POLR2C: variants seen among roughly 807,000 people sequenced by gnomAD.
POLR2C encodes RNA polymerase II subunit C.
In POLR2C, 36 loss-of-function variants were observed where a neutral mutation model predicts 41.7. That is an observed-to-expected ratio of 0.86 (90% CI 0.66 to 1.14). POLR2C has a LOEUF of 1.14. POLR2C is among the 50% of genes most tolerant of loss of function. The pLI is 0.00. For synonymous variants in POLR2C, 133 were observed against 137.8 expected (o/e 0.96, Z 0.25); for missense variants, 260 against 350.4 (o/e 0.74, Z 2.06).
In POLR2C at chr16:57,471,147, G is replaced by A. The variant is rs373509893; in HGVS notation, c.*28G>A. 2.9e-5 allele frequency: 47 copies of A among 1,605,062 alleles called. No individual in the cohort carries two copies. Among genetic ancestry groups the A allele is most frequent in the Non-Finnish European group, 3.8e-5 (44 of 1,172,182 alleles). On this transcript the variant is annotated 3_prime_UTR_variant, in exon 9 of 9. Transcript: ENST00000219252. ...GCAGCTTGCCTGCTTCAGCAAAAACGGAGATTCAGGCCAGCAGCTGGATAT... is the reference window on the plus strand; with the variant it reads ...GCAGCTTGCCTGCTTCAGCAAAAACAGAGATTCAGGCCAGCAGCTGGATAT...
intron 2 of POLR2C, among the ~76,000 whole-genome samples, chr16:57,465,456 G>T (rs527570522): frequency 1.3e-5 from 2 of 152,166 alleles, no homozygotes; most frequent in Non-Finnish European, 2.9e-5. Flanking sequence ...TATACTTTGC[G>T]CATTAAAAGA....
chr16:57,467,532 CTCTGGCTTTT>C lies in POLR2C; in HGVS notation c.258+1310_258+1319del, dbSNP rs1197548692. ...GATGGCATGGTCTGTCTCTCTCTCTCTCTGGCTTTTTCTGAAAATCTGTAGAAAAGTTGAA... is the reference window on the plus strand; with the variant it reads ...GATGGCATGGTCTGTCTCTCTCTCTCTCTGAAAATCTGTAGAAAAGTTGAA... On this transcript the variant is annotated intron_variant, in intron 4 of 8. Coordinates refer to ENST00000219252, the MANE Select transcript of POLR2C (RefSeq NM_032940.3). Among the ~76,000 whole-genome samples the C allele has an allele frequency of 2.3e-4, 35 of 152,202 alleles. 1 individual carries two copies. In the South Asian group the frequency reaches 6.6e-3, roughly 29 times the overall value.
In POLR2C at chr16:57,469,479, C is replaced by A; in HGVS notation, c.387+186C>A. 1.3e-6 allele frequency: 1 copy of A among 744,148 alleles called. No individual in the cohort carries two copies. Among genetic ancestry groups the A allele is most frequent in the Admixed American group, 2.2e-5 (1 of 46,310 alleles). The allele number at this position is 744,148 out of a possible 1,614,324, so 46.1% of individuals were successfully genotyped here. A position where few individuals can be genotyped will look rare whatever the true frequency, so the allele number is the denominator to read the frequency against. On this transcript the variant is annotated intron_variant, in intron 5 of 8. Coordinates refer to ENST00000219252, the MANE Select transcript of POLR2C (RefSeq NM_032940.3). This position sits in a 1 kb window ranked among gnomAD's most constrained non-coding sequence, Gnocchi z 5.8. The stretch of plus-strand genomic sequence containing the variant: ...GGCATCGTTAGCATCGTTGGTGCTG[C>A]GCACCCTCTATCACCCAGGGACTCT...
At chr16:57,463,620 G>C in intron 2 of POLR2C, 1 of 454,500 alleles carries the variant, frequency 2.2e-6, no homozygotes, top group South Asian at 1.6e-5. Context: ...CTCCCATGCG[G>C]TGTTTGGTTT....
intron 2 of POLR2C, chr16:57,463,638 C>G: frequency 2.2e-6 from 1 of 454,652 alleles, no homozygotes; most frequent in Non-Finnish European, 4.4e-6. Context: ...TTTTCTGTTC[C>G]TGTGTTAATT....
intron 2 of POLR2C, among the ~76,000 whole-genome samples, chr16:57,464,565 CAT>C (rs1295688847): frequency 1.3e-5 from 2 of 152,166 alleles, no homozygotes; most frequent in Non-Finnish European, 2.9e-5. Context: ...AAATATAAGT[CAT>C]AGCTGTGGCA....
Position 57,471,140 on chromosome 16 carries a change from C to G in POLR2C, c.*21C>G. 6.2e-7 allele frequency: 1 copy of G among 1,609,508 alleles called. No individual in the cohort carries two copies. On this transcript the variant is annotated 3_prime_UTR_variant, in exon 9 of 9. Transcript: ENST00000219252. The stretch of plus-strand genomic sequence containing the variant: ...ATTAACTGCAGCTTGCCTGCTTCAG[C>G]AAAAACGGAGATTCAGGCCAGCAGC...
At position 57,462,760 on chromosome 16, in the gene POLR2C, G is replaced by C. The variant is rs765019625; in HGVS notation, c.36G>C (p.Thr12=). 8.7e-6 allele frequency: 14 copies of C among 1,608,480 alleles called. No individual in the cohort carries two copies. Among genetic ancestry groups the C allele is most frequent in the Middle Eastern group, 1.7e-4 (1 of 6,054 alleles). Reference sequence around the variant, plus strand: ...CCAACCAGCCTACCGTGCGGATCACGGAGCTCACTGACGAGAATGTCAAGT... The same window carrying C: ...CCAACCAGCCTACCGTGCGGATCACCGAGCTCACTGACGAGAATGTCAAGT... The part of the protein sequence containing the change: ...PYANQPTVRI[T]ELTDENVKFI... The change falls in exon 1 of 9, where the codon ACG becomes ACC. Residue 12 remains threonine, a synonymous_variant. Coordinates refer to ENST00000219252, the MANE Select transcript of POLR2C (RefSeq NM_032940.3).
chr16:57,463,431 G>T, intron 2 of POLR2C: 1 of 412,704 alleles, frequency 2.4e-6, no homozygotes, highest in Non-Finnish European at 4.6e-6. Flanking sequence ...GTGCAGGTTT[G>T]TTGCCTGGGT....
Position 57,469,862 on chromosome 16 carries a change from T to A in POLR2C, c.440-99T>A. ...CTCCTCGAAAATTGGCTTTAGACCG[T>A]TTTTCCAGATGTGTGTGGTCTTGCA... is the stretch of plus-strand genomic sequence containing the variant. On this transcript the variant is annotated intron_variant, in intron 6 of 8. Transcript: ENST00000219252. The surrounding 1 kb of genome is among the most constrained non-coding windows in gnomAD (Gnocchi z 5.8). The A allele has an allele frequency of 6.4e-7, 1 of 1,565,900 alleles. No individual in the cohort carries two copies.
rs1456054421 is a variant in POLR2C, at chr16:57,469,657, G to A, written c.388-53G>A. ...GAGGTGCTGGGATATGGATGCCAGA[G>A]GAGGTGACTGGGGAGGTGAGCAGCT... is the stretch of plus-strand genomic sequence containing the variant. On this transcript the variant is annotated intron_variant, in intron 5 of 8. Coordinates refer to ENST00000219252, the MANE Select transcript of POLR2C (RefSeq NM_032940.3). This position sits in a 1 kb window ranked among gnomAD's most constrained non-coding sequence, Gnocchi z 5.8. 4 of 1,428,826 alleles carry A rather than the reference G, an allele frequency of 2.8e-6. No homozygotes were observed. The highest frequency in any genetic ancestry group is 2.3e-5 in the East Asian group (1 of 44,018). 88.5% of individuals were successfully genotyped at this position (1,428,826 alleles called of 1,614,324 possible).
chr16:57,465,634 C>G, intron 2 of POLR2C: 1 of 264,612 alleles, frequency 3.8e-6, no homozygotes, highest in Non-Finnish European at 7.2e-6. Context: ...AGTGGTGGCA[C>G]AGGTAGCAGA....
intron 1 of POLR2C, 80 bp downstream of exon 1, chr16:57,462,890 G>T (rs1372886654): frequency 7.1e-6 from 6 of 850,064 alleles, no homozygotes; most frequent in African/African-American, 5.5e-5. Flanking sequence ...GGGGGCGGGG[G>T]TGTAGTGGGG....
At chr16:57,462,866 G>T in intron 1 of POLR2C, 56 bp downstream of exon 1, 1 of 1,408,566 alleles carries the variant, frequency 7.1e-7, no homozygotes, top group South Asian at 1.2e-5. Context: ...GGCCCAAGCC[G>T]GGGCCCCGGG....
intron 2 of POLR2C, 180 bp from the exon 3 acceptor site, chr16:57,465,773 G>C (rs1245411055): frequency 6.8e-6 from 4 of 586,094 alleles, no homozygotes; most frequent in Non-Finnish European, 1.2e-5. Flanking sequence ...AGGGAGGTGA[G>C]GTGTGGTGTG....
chr16:57,469,768 C>T lies in POLR2C; in HGVS notation c.439+7C>T. Reference sequence around the variant, plus strand: ...GACTACGTGGAGCAGGATGGTAAGTCTTCCTGACCTGTCACCGTGTGGGCC... The same window carrying T: ...GACTACGTGGAGCAGGATGGTAAGTTTTCCTGACCTGTCACCGTGTGGGCC... On this transcript the variant is annotated splice_region_variant and intron_variant, in intron 6 of 8. Transcript: ENST00000219252. The surrounding 1 kb of genome is among the most constrained non-coding windows in gnomAD (Gnocchi z 5.8). 6.2e-7 allele frequency: 1 copy of T among 1,611,132 alleles called. No homozygotes were observed. Among genetic ancestry groups the T allele is most frequent in the Non-Finnish European group, 8.5e-7 (1 of 1,179,014 alleles).
intron 1 of POLR2C, 32 bp from the exon 2 acceptor site, chr16:57,462,997 G>T (rs757528189): frequency 5.0e-6 from 8 of 1,601,238 alleles, no homozygotes; most frequent in Non-Finnish European, 6.8e-6. Context: ...AGGCTGCAGC[G>T]CCTTCACGCC....
rs747011860 is a variant in POLR2C, at chr16:57,469,690, GC to G, written c.388-18del. 1.2e-5 allele frequency: 19 copies of G among 1,605,976 alleles called. No homozygotes were observed. In the African/African-American group the frequency reaches 2.3e-4, roughly 20 times the overall value. On this transcript the variant is annotated intron_variant, in intron 5 of 8. Coordinates refer to ENST00000219252, the MANE Select transcript of POLR2C (RefSeq NM_032940.3). This position sits in a 1 kb window ranked among gnomAD's most constrained non-coding sequence, Gnocchi z 5.8. ...CTGGGGAGGTGAGCAGCTAATGAAT[GC>G]CTGGTGGACTCCCTACAGGTGACAT...
Position 57,462,787 on chromosome 16 carries a change from C to T in POLR2C, c.63C>T (p.Phe21=). ...AGCTCACTGACGAGAATGTCAAGTT[C>T]ATCATCGAGAACACCGACCTGGCGT... is the stretch of plus-strand genomic sequence containing the variant. ...ITELTDENVK[F]IIENTDLAVA... is the part of the protein sequence containing the mutation. The change falls in exon 1 of 9, where the codon TTC becomes TTT. Residue 21 remains phenylalanine (F), a synonymous_variant. Coordinates refer to ENST00000219252, the MANE Select transcript of POLR2C (RefSeq NM_032940.3). 2 of 1,606,568 alleles carry T rather than the reference C, an allele frequency of 1.2e-6. No homozygotes were observed. The highest frequency in any genetic ancestry group is 1.7e-6 in the Non-Finnish European group (2 of 1,176,188).
Sources: gnomAD v4.1 joint callset for allele counts (sites outside exome capture counted in the v4.1 genomes callset) on GRCh38, gnomAD v4.1.1 for gene constraint, Gnocchi (gnomAD v3.1) non-coding constraint, MANE v1.5 for transcripts, NCBI Gene and HGNC (gene_info 2026-07-23, HGNC 2026-07-21) for gene names.